The following AGBL1 variants were observed in gnomAD, a reference collection of about 807,000 sequenced individuals.
The protein encoded by AGBL1 is AGBL carboxypeptidase 1, also known as cytosolic carboxypeptidase 4.
A neutral mutation model predicts 118.9 loss-of-function variants in AGBL1; 130 were observed. The ratio of observed to expected loss-of-function variants is 1.09; its 90% CI spans 0.95 to 1.26. The LOEUF (loss-of-function observed/expected upper bound fraction) is 1.26. Ranked by LOEUF, AGBL1 falls within the 50% of genes most tolerant of loss-of-function variation. The probability of loss-of-function intolerance (pLI) is 0.00; values close to 1 mark genes in which losing one functional copy is unlikely to be tolerated. For missense variants in AGBL1, 1,584 were observed against 1,298.1 expected, an observed-to-expected ratio of 1.22 and a Z score of -3.38; for synonymous variants, 555 against 478.9, an observed-to-expected ratio of 1.16 and a Z score of -2.08.
At chr15:86,181,365 A>C (rs192739562) in intron 5 of AGBL1, among the ~76,000 whole-genome samples, 69 of 152,236 alleles carry the variant, frequency 4.5e-4, no homozygotes, top group Non-Finnish European at 8.1e-4. Flanking sequence ...ATGCTGCAAC[A>C]TGAATAAATC....
chr15:86,735,246 T>C (rs2077576237), intron 22 of AGBL1, among the ~76,000 whole-genome samples: 1 of 152,038 alleles, frequency 6.6e-6, no homozygotes, highest in African/African-American at 2.4e-5. Flanking sequence ...CGTGCCCAGC[T>C]AATTTTTTGT....
intron 21 of AGBL1, among the ~76,000 whole-genome samples, chr15:86,579,674 G>C (rs1293492715): frequency 1.3e-5 from 2 of 152,194 alleles, no homozygotes; most frequent in East Asian, 3.9e-4. Flanking sequence ...GATTTAAAAA[G>C]AGGAGTAATG....
intron 7 of AGBL1, among the ~76,000 whole-genome samples, chr15:86,248,990 G>C (rs570565770): frequency 6.6e-6 from 1 of 152,242 alleles, no homozygotes; most frequent in African/African-American, 2.4e-5. Flanking sequence ...AAAGGGGATG[G>C]TGTCTTCAAG....
At chr15:86,287,925 G>A (rs990545034) in intron 16 of AGBL1, among the ~76,000 whole-genome samples, 4 of 152,028 alleles carry the variant, frequency 2.6e-5, no homozygotes, top group Non-Finnish European at 5.9e-5. Flanking sequence ...AATGCATATT[G>A]AAATATTAAA....
intron 5 of AGBL1, among the ~76,000 whole-genome samples, chr15:86,206,025 G>C (rs577866549): frequency 1.3e-5 from 2 of 152,106 alleles, no homozygotes; most frequent in Admixed American, 1.3e-4. Context: ...CCTGCCCTGT[G>C]TCCAAGTGTT....
chr15:86,548,663 G>GCGCACACA (rs1028988193), intron 20 of AGBL1, among the ~76,000 whole-genome samples: 186 of 142,792 alleles, frequency 1.3e-3, no homozygotes, highest in African/African-American at 4.7e-3. Context: ...ACACATGCAC[G>GCGCACACA]CACACACACA....
chr15:86,167,402 T>G (rs955363548), intron 5 of AGBL1, among the ~76,000 whole-genome samples: 1 of 152,008 alleles, frequency 6.6e-6, no homozygotes, highest in Admixed American at 6.6e-5. Context: ...CCCACCATCA[T>G]GCCCAGCTAA....
chr15:86,673,826 T>C (rs2085788460), intron 21 of AGBL1, among the ~76,000 whole-genome samples: 1 of 152,174 alleles, frequency 6.6e-6, no homozygotes, highest in South Asian at 2.1e-4. Context: ...ATATATGAAA[T>C]ATTTCCCCTA....
chr15:86,476,750 C>A (rs1374514742), intron 18 of AGBL1, among the ~76,000 whole-genome samples: 6 of 152,200 alleles, frequency 3.9e-5, no homozygotes, highest in Non-Finnish European at 7.3e-5. Context: ...ATCTACGGAA[C>A]TCTCCACCCC....
chr15:86,315,054 G>A (rs968226945), intron 17 of AGBL1, among the ~76,000 whole-genome samples: 3 of 152,156 alleles, frequency 2.0e-5, no homozygotes, highest in Non-Finnish European at 4.4e-5. Flanking sequence ...CTAACACAGC[G>A]TAAAGAGAGG....
At chr15:86,095,052 T>C (rs1896269611) in intron 1 of AGBL1, among the ~76,000 whole-genome samples, 1 of 152,074 alleles carries the variant, frequency 6.6e-6, no homozygotes, top group African/African-American at 2.4e-5. Flanking sequence ...GAAAGCACTT[T>C]TATTTACATT....
rs76031721 is a variant in AGBL1 at position 86,200,554 on chromosome 15, C to A, written c.489-24360C>A. Among the ~76,000 whole-genome samples the A allele has an allele frequency of 4.8e-4, 51 of 107,292 alleles. No homozygotes were observed. The East Asian group carries it at 0.016, about 33-fold the overall frequency. The allele number at this position is 107,292 out of a possible 152,430, so 70.4% of individuals were successfully genotyped here. Reference sequence around the variant, plus strand: ...ACTCTAGAGTAATAGACCCCTACCCCCCCCCCCCTTTTTTTTTTGCTCCCA... The same window carrying A: ...ACTCTAGAGTAATAGACCCCTACCCACCCCCCCCTTTTTTTTTTGCTCCCA... On this transcript the variant is annotated intron_variant, in intron 5 of 22. Transcript: ENST00000614907.
chr15:86,586,479 G>A lies in AGBL1; in HGVS notation c.2994+31942G>A, dbSNP rs183299334. Among the ~76,000 whole-genome samples, 86 of 152,170 alleles carry A rather than the reference G, an allele frequency of 5.7e-4. 1 individual carries two copies. Among genetic ancestry groups the A allele is most frequent in the Non-Finnish European group, 8.8e-4 (60 of 68,006 alleles). On this transcript the variant is annotated intron_variant, in intron 21 of 22. Coordinates refer to ENST00000614907, the MANE Select transcript of AGBL1 (RefSeq NM_001386094.1). ...GAGAAAATTAGGGCAGAGAATAGTC[G>A]AGTAACATGTCCAAGGTCACACAGA...
At chr15:86,714,432 T>A (rs1294574113) in intron 22 of AGBL1, among the ~76,000 whole-genome samples, 1 of 152,156 alleles carries the variant, frequency 6.6e-6, no homozygotes, top group South Asian at 2.1e-4. Context: ...AAGCAAGGAA[T>A]TGAAGCAGTT....
Position 86,487,125 on chromosome 15 carries a change from C to G in AGBL1, c.2556-35685C>G, listed in dbSNP as rs117385513. On this transcript the variant is annotated intron_variant, in intron 18 of 22. Transcript: ENST00000614907. ...CTTGCCAGCTCTTTTTGGTTTCAGTCTTTCCTGACCTTCCAGAACTGTCAC... is the reference window on the plus strand; with the variant it reads ...CTTGCCAGCTCTTTTTGGTTTCAGTGTTTCCTGACCTTCCAGAACTGTCAC... Among the ~76,000 whole-genome samples the G allele has an allele frequency of 2.0e-3, 307 of 152,224 alleles. 11 individuals carry two copies. The East Asian group carries it at 0.056, about 28-fold the overall frequency.
At chr15:86,275,361 T>C (rs975600664) in intron 15 of AGBL1, among the ~76,000 whole-genome samples, 5 of 152,206 alleles carry the variant, frequency 3.3e-5, no homozygotes, top group Non-Finnish European at 5.9e-5. Context: ...TGGTATTATA[T>C]AGAATATTAG....
At chr15:86,360,859 C>A (rs2080795555) in intron 17 of AGBL1, among the ~76,000 whole-genome samples, 2 of 151,908 alleles carry the variant, frequency 1.3e-5, no homozygotes, top group Non-Finnish European at 2.9e-5. Flanking sequence ...GAGACATCTA[C>A]TGTAATGTCA....
intron 7 of AGBL1, among the ~76,000 whole-genome samples, chr15:86,249,207 G>A (rs775518960): frequency 5.9e-5 from 9 of 152,072 alleles, no homozygotes; most frequent in Non-Finnish European, 1.2e-4. Flanking sequence ...CAGCCATGTT[G>A]CACACACATT....
intron 17 of AGBL1, among the ~76,000 whole-genome samples, chr15:86,381,412 T>C (rs575936022): frequency 8.8e-6 from 1 of 114,084 alleles, no homozygotes; most frequent in African/African-American, 4.8e-5. Flanking sequence ...GCTGATACAC[T>C]TTTTTTTTCA....
Sources: gnomAD v4.1 joint callset for allele counts (sites outside exome capture counted in the v4.1 genomes callset) on GRCh38, gnomAD v4.1.1 for gene constraint, MANE v1.5 for transcripts, NCBI Gene and HGNC (gene_info 2026-07-23, HGNC 2026-07-21) for gene names.